CLDN12: variants seen among roughly 807,000 people sequenced by gnomAD.
CLDN12 encodes claudin 12.
CLDN12 carries 9 observed loss-of-function variants against 15.5 expected under a neutral mutation model. That is an observed-to-expected ratio of 0.58 (90% CI 0.35 to 1.02). The LOEUF (loss-of-function observed/expected upper bound fraction) is 1.02. Ranked by LOEUF, CLDN12 falls within the 50% of genes least tolerant of loss-of-function variation. The pLI is 0.02. For synonymous variants in CLDN12, 140 were observed against 121.6 expected, an observed-to-expected ratio of 1.15 and a Z score of -1.00; for missense variants, 233 against 297.3, an observed-to-expected ratio of 0.78 and a Z score of 1.59.
Position 90,413,568 on chromosome 7 carries a change from A to G in CLDN12, c.*157A>G, listed in dbSNP as rs906557611. The G allele has an allele frequency of 2.1e-6, 3 of 1,427,582 alleles. No homozygotes were observed. The highest frequency in any genetic ancestry group is 9.2e-7 in the Non-Finnish European group (1 of 1,089,598). The allele number at this position is 1,427,582 out of a possible 1,614,324, so 88.4% of individuals were successfully genotyped here. ...GTAGAATGAAGTGCTGCTAGTTTTT[A>G]TGAGAAGTATATTATATTAAATGTG... On this transcript the variant is annotated 3_prime_UTR_variant, in exon 4 of 4. Coordinates refer to ENST00000496677, the MANE Select transcript of CLDN12 (RefSeq NM_001185072.3).
Position 90,413,465 on chromosome 7 carries a change from G to A in CLDN12, c.*54G>A. 6.4e-7 allele frequency: 1 copy of A among 1,570,336 alleles called. No homozygotes were observed. Among genetic ancestry groups the A allele is most frequent in the Non-Finnish European group, 8.6e-7 (1 of 1,158,994 alleles). On this transcript the variant is annotated 3_prime_UTR_variant, in exon 4 of 4. Transcript: ENST00000496677. ...CTTCTTGTAGCCTCACATTCCCCTTGTGCAAAGAGCTCTTTTGGACCTACA... is the reference window on the plus strand; with the variant it reads ...CTTCTTGTAGCCTCACATTCCCCTTATGCAAAGAGCTCTTTTGGACCTACA...
intron 2 of CLDN12, among the ~76,000 whole-genome samples, chr7:90,406,363 T>A (rs1484241401): frequency 6.6e-6 from 1 of 152,210 alleles, no homozygotes; most frequent in Non-Finnish European, 1.5e-5. Flanking sequence ...CTTTTCTGAG[T>A]CACGGTGGAA....
chr7:90,412,307 C>T (rs745958169), intron 3 of CLDN12: 1 of 208,256 alleles, frequency 4.8e-6, no homozygotes, highest in Non-Finnish European at 9.6e-6. Flanking sequence ...GTTGAAAGAA[C>T]GATTATTGAC....
chr7:90,407,494 A>T (rs539959050), intron 2 of CLDN12, among the ~76,000 whole-genome samples: 1 of 152,210 alleles, frequency 6.6e-6, no homozygotes, highest in South Asian at 2.1e-4. Context: ...CTGTATTCTG[A>T]CCAGAGTTAT....
At chr7:90,412,075 T>C (rs1796975143) in intron 3 of CLDN12, 26 bp downstream of exon 3, 1 of 152,330 alleles carries the variant, frequency 6.6e-6, no homozygotes, top group African/African-American at 2.4e-5. Context: ...AGTGAGGAGA[T>C]GGGGATTAGA....
rs747014345 is a variant in CLDN12 at position 90,413,361 on chromosome 7, C to T, written c.685C>T (p.Arg229Cys). ...CTCACAGCCCTATTCAGCACGCTCT[C>T]GCCTCTCTGCCATTGAAATTGACAT... ...TYSQPYSARS[R>C]LSAIEIDIPV... Residue 229 changes from arginine (R) to cysteine (C), a missense_variant, in exon 4 of 4, where the codon CGC becomes TGC. Transcript: ENST00000496677. The T allele has an allele frequency of 3.1e-6, 5 of 1,614,106 alleles. No individual in the cohort carries two copies. Among genetic ancestry groups the T allele is most frequent in the Admixed American group, 1.7e-5 (1 of 60,014 alleles).
chr7:90,405,867 AG>A (rs1178865155), intron 2 of CLDN12: 1 of 152,234 alleles, frequency 6.6e-6, no homozygotes, highest in African/African-American at 2.4e-5. Context: ...TGAGAGGCTG[AG>A]GTGGAAGGAT....
chr7:90,415,006 T>G lies in CLDN12; in HGVS notation c.*1595T>G, dbSNP rs1797045540. The G allele has an allele frequency of 1.2e-5, 2 of 167,010 alleles. No homozygotes were observed. The highest frequency in any genetic ancestry group is 1.3e-4 in the Admixed American group (2 of 15,278). 10.3% of individuals were successfully genotyped at this position (167,010 alleles called of 1,614,324 possible). A position where few individuals can be genotyped will look rare whatever the true frequency, so the allele number is the denominator to read the frequency against. On this transcript the variant is annotated 3_prime_UTR_variant, in exon 4 of 4. Coordinates refer to ENST00000496677, the MANE Select transcript of CLDN12 (RefSeq NM_001185072.3). The stretch of plus-strand genomic sequence containing the variant: ...AGGATTTTTTATTAACCATTACAGA[T>G]TTTACAAACAGCTAGTTATATGGTA...
At chr7:90,411,624 CAACAAGG>C (rs1329168962) in intron 2 of CLDN12, among the ~76,000 whole-genome samples, 4 of 135,636 alleles carry the variant, frequency 2.9e-5, no homozygotes, top group Admixed American at 2.5e-4. Flanking sequence ...CATCTTGAAT[CAACAAGG>C]AAGTAATTGG....
In CLDN12 at chr7:90,413,934, A is replaced by C; in HGVS notation, c.*523A>C. ...TGTATGAATAGGTGTCAGTATGTTGAAGATTACTTTCTTTTGTGACTTTCT... is the reference window on the plus strand; with the variant it reads ...TGTATGAATAGGTGTCAGTATGTTGCAGATTACTTTCTTTTGTGACTTTCT... On this transcript the variant is annotated 3_prime_UTR_variant, in exon 4 of 4. Transcript: ENST00000496677. The C allele has an allele frequency of 1.0e-6, 1 of 996,574 alleles. No individual in the cohort carries two copies. The highest frequency in any genetic ancestry group is 1.2e-6 in the Non-Finnish European group (1 of 827,150). The allele number at this position is 996,574 out of a possible 1,614,324, so 61.7% of individuals were successfully genotyped here. A position where few individuals can be genotyped will look rare whatever the true frequency, so the allele number is the denominator to read the frequency against.
intron 2 of CLDN12, among the ~76,000 whole-genome samples, chr7:90,410,854 G>T (rs1399068456): frequency 6.6e-6 from 1 of 151,948 alleles, no homozygotes; most frequent in African/African-American, 2.4e-5. Flanking sequence ...AAAATTAGCT[G>T]AACATAGTGA....
At position 90,413,984 on chromosome 7, in the gene CLDN12, G is replaced by A; in HGVS notation, c.*573G>A. ...TTCTACCTCATGCCACTGTTTAAAAGTAAAACGTATTTTAACGATGTTAGA... is the reference window on the plus strand; with the variant it reads ...TTCTACCTCATGCCACTGTTTAAAAATAAAACGTATTTTAACGATGTTAGA... On this transcript the variant is annotated 3_prime_UTR_variant, in exon 4 of 4. Coordinates refer to ENST00000496677, the MANE Select transcript of CLDN12 (RefSeq NM_001185072.3). 2.0e-6 allele frequency: 2 copies of A among 981,468 alleles called. No homozygotes were observed. Among genetic ancestry groups the A allele is most frequent in the Non-Finnish European group, 2.5e-6 (2 of 813,728 alleles). 60.8% of individuals were successfully genotyped at this position (981,468 alleles called of 1,614,324 possible). A position where few individuals can be genotyped will look rare whatever the true frequency, so the allele number is the denominator to read the frequency against.
Position 90,414,514 on chromosome 7 carries a change from G to T in CLDN12, c.*1103G>T, listed in dbSNP as rs1797036824. On this transcript the variant is annotated 3_prime_UTR_variant, in exon 4 of 4. Coordinates refer to ENST00000496677, the MANE Select transcript of CLDN12 (RefSeq NM_001185072.3). Reference sequence around the variant, plus strand: ...TCCAGTAAGACATTTTAATAGAGAAGATCAAAATGTTACCTGGCAGTTGGG... The same window carrying T: ...TCCAGTAAGACATTTTAATAGAGAATATCAAAATGTTACCTGGCAGTTGGG... 3 of 540,426 alleles carry T rather than the reference G, an allele frequency of 5.6e-6. No individual in the cohort carries two copies. The highest frequency in any genetic ancestry group is 7.3e-6 in the Non-Finnish European group (3 of 409,950). The allele number at this position is 540,426 out of a possible 1,614,324, so 33.5% of individuals were successfully genotyped here.
At position 90,413,839 on chromosome 7, in the gene CLDN12, A is replaced by C; in HGVS notation, c.*428A>C. 1.0e-6 allele frequency: 1 copy of C among 1,001,664 alleles called. No individual in the cohort carries two copies. The highest frequency in any genetic ancestry group is 1.2e-6 in the Non-Finnish European group (1 of 830,656). 62.0% of individuals were successfully genotyped at this position (1,001,664 alleles called of 1,614,324 possible). A position where few individuals can be genotyped will look rare whatever the true frequency, so the allele number is the denominator to read the frequency against. ...GTTTCAAATATAAGAAATTTATTTC[A>C]GGTAAGGGTAATATTTTAATAGTAG... On this transcript the variant is annotated 3_prime_UTR_variant, in exon 4 of 4. Coordinates refer to ENST00000496677, the MANE Select transcript of CLDN12 (RefSeq NM_001185072.3).
At chr7:90,406,394 G>A (rs546182835) in intron 2 of CLDN12, among the ~76,000 whole-genome samples, 2 of 152,282 alleles carry the variant, frequency 1.3e-5, no homozygotes, top group Non-Finnish European at 2.9e-5. Flanking sequence ...AATGACAAAT[G>A]TGAAGTGGTT....
chr7:90,410,509 CA>C (rs888800554), intron 2 of CLDN12, among the ~76,000 whole-genome samples: 3 of 152,132 alleles, frequency 2.0e-5, no homozygotes, highest in African/African-American at 7.2e-5. Flanking sequence ...TGTATGTACA[CA>C]TAGGCATTTT....
chr7:90,414,294 A>C lies in CLDN12; in HGVS notation c.*883A>C, dbSNP rs1293571453. 1 of 999,826 alleles carries C rather than the reference A, an allele frequency of 1.0e-6. No individual in the cohort carries two copies. Among genetic ancestry groups the C allele is most frequent in the African/African-American group, 1.7e-5 (1 of 57,236 alleles). The allele number at this position is 999,826 out of a possible 1,614,324, so 61.9% of individuals were successfully genotyped here. A position where few individuals can be genotyped will look rare whatever the true frequency, so the allele number is the denominator to read the frequency against. On this transcript the variant is annotated 3_prime_UTR_variant, in exon 4 of 4. Coordinates refer to ENST00000496677, the MANE Select transcript of CLDN12 (RefSeq NM_001185072.3). ...ACAAGAAGTCTGTTCTTCAGTGAGT[A>C]CACTAGAGATTTACTCTGGTGACTG...
rs115757117 is a variant in CLDN12, at chr7:90,412,540, C to T, written c.-33-104C>T. On this transcript the variant is annotated intron_variant, in intron 3 of 3. Transcript: ENST00000496677. ...ACAAGGGAGAGACTTTCCCTCTTTG[C>T]ATTGACATTTCATCATTAGATGTGT... 9.8e-4 allele frequency: 873 copies of T among 893,040 alleles called. 2 individuals carry two copies. In the African/African-American group the frequency reaches 0.013, roughly 13 times the overall value. The allele number at this position is 893,040 out of a possible 1,614,324, so 55.3% of individuals were successfully genotyped here.
Position 90,413,469 on chromosome 7 carries a change from A to C in CLDN12, c.*58A>C. 6.4e-7 allele frequency: 1 copy of C among 1,566,562 alleles called. No individual in the cohort carries two copies. The highest frequency in any genetic ancestry group is 8.6e-7 in the Non-Finnish European group (1 of 1,157,386). Reference sequence around the variant, plus strand: ...TTGTAGCCTCACATTCCCCTTGTGCAAAGAGCTCTTTTGGACCTACATACA... The same window carrying C: ...TTGTAGCCTCACATTCCCCTTGTGCCAAGAGCTCTTTTGGACCTACATACA... On this transcript the variant is annotated 3_prime_UTR_variant, in exon 4 of 4. Coordinates refer to ENST00000496677, the MANE Select transcript of CLDN12 (RefSeq NM_001185072.3).
Sources: gnomAD v4.1 joint callset for allele counts (sites outside exome capture counted in the v4.1 genomes callset) on GRCh38, gnomAD v4.1.1 for gene constraint, MANE v1.5 for transcripts, NCBI Gene and HGNC (gene_info 2026-07-23, HGNC 2026-07-21) for gene names.